OSBPL11: variants seen among roughly 807,000 people sequenced by gnomAD.
The protein encoded by OSBPL11 is oxysterol binding protein like 11, also known as oxysterol-binding protein-related protein 11.
In OSBPL11, 33 loss-of-function variants were observed where a neutral mutation model predicts 84.4. The observed-to-expected ratio is 0.39, with a 90% CI of 0.30 to 0.52. The LOEUF (loss-of-function observed/expected upper bound fraction) is 0.52. Among genes scored for constraint, OSBPL11 ranks in the 20% least tolerant of loss-of-function variants. OSBPL11 has a pLI of 0.72. For synonymous variants in OSBPL11, 276 were observed against 310.2 expected, an observed-to-expected ratio of 0.89 and a Z score of 1.16; for missense variants, 736 against 901.1, an observed-to-expected ratio of 0.82 and a Z score of 2.35.
intron 7 of OSBPL11, among the ~76,000 whole-genome samples, chr3:125,561,354 T>C (rs537030461): frequency 6.6e-6 from 1 of 152,350 alleles, no homozygotes; most frequent in South Asian, 2.1e-4. Context: ...TTGTAAAATT[T>C]ACATGTTTAT....
At chr3:125,552,819 A>G in intron 8 of OSBPL11, 140 bp from the exon 9 acceptor site, 1 of 1,101,226 alleles carries the variant, frequency 9.1e-7, no homozygotes, top group Non-Finnish European at 1.3e-6. Context: ...CAGTCACATT[A>G]AAAAATAAGC....
intron 4 of OSBPL11, among the ~76,000 whole-genome samples, chr3:125,577,117 G>A (rs999830768): frequency 6.6e-6 from 1 of 152,086 alleles, no homozygotes; most frequent in African/African-American, 2.4e-5. Context: ...TATGAGAAAA[G>A]CCATTGTGTT....
intron 11 of OSBPL11, among the ~76,000 whole-genome samples, chr3:125,536,542 A>G (rs2107587190): frequency 6.6e-6 from 1 of 152,370 alleles, no homozygotes; most frequent in South Asian, 2.1e-4. Context: ...GGTGGCAGAT[A>G]CAATTTTCTA....
chr3:125,529,924 G>A lies in OSBPL11; in HGVS notation c.*591C>T, dbSNP rs527992245. 6.5e-6 allele frequency: 1 copy of A among 152,882 alleles called. No homozygotes were observed. The highest frequency in any genetic ancestry group is 1.5e-5 in the Non-Finnish European group (1 of 68,272). 9.5% of individuals were successfully genotyped at this position (152,882 alleles called of 1,614,324 possible). ...GAGTTCCAACAGAGGTGGATAATAGGTAAGTTCCTCAGACACAGGCATACA... is the reference window on the plus strand; with the variant it reads ...GAGTTCCAACAGAGGTGGATAATAGATAAGTTCCTCAGACACAGGCATACA... On this transcript the variant is annotated 3_prime_UTR_variant, in exon 13 of 13. Coordinates refer to ENST00000296220, the MANE Select transcript of OSBPL11 (RefSeq NM_022776.5).
chr3:125,535,416 T>C (rs2107586588), intron 11 of OSBPL11, among the ~76,000 whole-genome samples: 1 of 150,376 alleles, frequency 6.6e-6, no homozygotes, highest in Middle Eastern at 3.5e-3. Context: ...TACAAAATTT[T>C]AGCAAATAAA....
intron 11 of OSBPL11, among the ~76,000 whole-genome samples, chr3:125,534,886 A>G (rs1935616129): frequency 1.4e-5 from 2 of 147,548 alleles, no homozygotes; most frequent in African/African-American, 5.0e-5. Flanking sequence ...AGGCTAAAAT[A>G]TTAATTGGCC....
intron 5 of OSBPL11, among the ~76,000 whole-genome samples, chr3:125,574,498 T>TC (rs397947644): frequency 6.6e-6 from 1 of 151,084 alleles, no homozygotes; most frequent in African/African-American, 2.4e-5. Context: ...TTTTTTTTTT[T>TC]CCTGTGGACT....
At chr3:125,548,430 A>C (rs980914271) in intron 9 of OSBPL11, among the ~76,000 whole-genome samples, 4 of 152,188 alleles carry the variant, frequency 2.6e-5, no homozygotes, top group African/African-American at 9.6e-5. Flanking sequence ...TTGTTTGCCA[A>C]ATTATAAAAT....
intron 11 of OSBPL11, among the ~76,000 whole-genome samples, chr3:125,536,138 A>AAAAG: frequency 6.6e-6 from 1 of 152,062 alleles, no homozygotes; most frequent in African/African-American, 2.4e-5. Flanking sequence ...ATCTCAAAAA[A>AAAAG]AAAAAAAAAA....
chr3:125,563,550 A>C (rs1392855406), intron 7 of OSBPL11, 148 bp downstream of exon 7: 3 of 740,222 alleles, frequency 4.1e-6, no homozygotes, highest in Non-Finnish European at 4.3e-6. Flanking sequence ...CTCTTCAAAA[A>C]CAATGCAGTT....
Position 125,595,103 on chromosome 3 carries a change from GAGA to G in OSBPL11, c.-306_-304del, listed in dbSNP as rs1245112631. 11 of 256,410 alleles carry G rather than the reference GAGA, an allele frequency of 4.3e-5. No individual in the cohort carries two copies. Among genetic ancestry groups the G allele is most frequent in the South Asian group, 2.6e-4 (4 of 15,316 alleles). The allele number at this position is 256,410 out of a possible 1,614,324, so 15.9% of individuals were successfully genotyped here. The stretch of plus-strand genomic sequence containing the variant: ...GAAGACTTAAGTGACATACTCAAAA[GAGA>G]AGGAGTGTGGGGAGGTCGCAGATTC... On this transcript the variant is annotated 5_prime_UTR_variant, in exon 1 of 13. Coordinates refer to ENST00000296220, the MANE Select transcript of OSBPL11 (RefSeq NM_022776.5).
chr3:125,592,778 A>C (rs1032213254), intron 1 of OSBPL11, among the ~76,000 whole-genome samples: 37 of 152,136 alleles, frequency 2.4e-4, no homozygotes, highest in African/African-American at 8.7e-4. Flanking sequence ...GAAAAATATT[A>C]AGACCTAACA....
intron 5 of OSBPL11, among the ~76,000 whole-genome samples, chr3:125,570,865 T>C (rs1020021364): frequency 1.3e-5 from 2 of 152,160 alleles, no homozygotes; most frequent in African/African-American, 2.4e-5. Context: ...GAAGCATGAA[T>C]ATGGACTAAT....
At chr3:125,566,196 G>C (rs1431528437) in intron 6 of OSBPL11, among the ~76,000 whole-genome samples, 1 of 151,994 alleles carries the variant, frequency 6.6e-6, no homozygotes, top group Admixed American at 6.6e-5. Context: ...AGTAGAGATG[G>C]GGTTTCACCA....
In OSBPL11 at chr3:125,530,512, G is replaced by A; in HGVS notation, c.*3C>T. The A allele has an allele frequency of 6.2e-7, 1 of 1,612,958 alleles. No homozygotes were observed. Among genetic ancestry groups the A allele is most frequent in the Non-Finnish European group, 8.5e-7 (1 of 1,178,966 alleles). ...CATTTGGTCGAGTTTTAGATAGTAT[G>A]TGTCACTCTGCTGGTTGTGTTGTTG... On this transcript the variant is annotated 3_prime_UTR_variant, in exon 13 of 13. Coordinates refer to ENST00000296220, the MANE Select transcript of OSBPL11 (RefSeq NM_022776.5).
At chr3:125,550,616 C>T (rs1490122059) in intron 9 of OSBPL11, among the ~76,000 whole-genome samples, 1 of 152,156 alleles carries the variant, frequency 6.6e-6, no homozygotes, top group Non-Finnish European at 1.5e-5. Context: ...TGTAAGATGA[C>T]ATTCAGAGCA....
chr3:125,578,650 A>T (rs1038905304), intron 4 of OSBPL11, among the ~76,000 whole-genome samples: 2 of 152,170 alleles, frequency 1.3e-5, no homozygotes, highest in African/African-American at 4.8e-5. Flanking sequence ...GTGTGCCTGT[A>T]GTCCCAGCTA....
At chr3:125,536,578 A>C (rs1935642906) in intron 11 of OSBPL11, among the ~76,000 whole-genome samples, 1 of 152,208 alleles carries the variant, frequency 6.6e-6, no homozygotes, top group African/African-American at 2.4e-5. Flanking sequence ...CTTGAAGCTC[A>C]AATTTTATTA....
chr3:125,589,932 TA>T (rs895964746), intron 1 of OSBPL11, among the ~76,000 whole-genome samples: 2 of 151,962 alleles, frequency 1.3e-5, no homozygotes, highest in African/African-American at 2.4e-5. Flanking sequence ...CTCAAAATTT[TA>T]AAAAAAAGCA....
Sources: gnomAD v4.1 joint callset for allele counts (sites outside exome capture counted in the v4.1 genomes callset) on GRCh38, gnomAD v4.1.1 for gene constraint, MANE v1.5 for transcripts, NCBI Gene and HGNC (gene_info 2026-07-23, HGNC 2026-07-21) for gene names.